The following ASB3 variants were observed in gnomAD, a reference collection of about 807,000 sequenced individuals.
ASB3 encodes the protein ankyrin repeat and SOCS box containing 3, also known as ankyrin repeat and SOCS box protein 3.
In ASB3, 41 loss-of-function variants were observed where a neutral mutation model predicts 54.5. The ratio of observed to expected loss-of-function variants is 0.75; its 90% confidence interval spans 0.59 to 0.98. ASB3 has a LOEUF of 0.98. Ranked by LOEUF, ASB3 falls within the 50% of genes least tolerant of loss-of-function variation. The pLI, the probability that ASB3 is intolerant of heterozygous loss-of-function variation, is 0.00. For missense variants in ASB3, 733 were observed against 620.0 expected (o/e 1.18, Z -1.94); for synonymous variants, 266 against 221.2 (o/e 1.20, Z -1.80).
intron 2 of ASB3, among the ~76,000 whole-genome samples, chr2:53,765,134 T>C (rs1673363894): frequency 6.6e-6 from 1 of 152,174 alleles, no homozygotes; most frequent in Non-Finnish European, 1.5e-5. Flanking sequence ...CCATATCACC[T>C]AGCTCAGTCA....
intron 3 of ASB3, among the ~76,000 whole-genome samples, chr2:53,746,614 G>T (rs1672242502): frequency 1.3e-5 from 2 of 151,840 alleles, no homozygotes; most frequent in Non-Finnish European, 2.9e-5. Flanking sequence ...AAGTAGCTCA[G>T]ATTACAGGCA....
chr2:53,695,061 C>T (rs1163724295), intron 8 of ASB3, among the ~76,000 whole-genome samples: 1 of 152,038 alleles, frequency 6.6e-6, no homozygotes, highest in Non-Finnish European at 1.5e-5. Flanking sequence ...ACTAGGGCTT[C>T]TAGTAATTAC....
At chr2:53,685,513 A>G (rs1668587042) in intron 9 of ASB3, among the ~76,000 whole-genome samples, 1 of 152,230 alleles carries the variant, frequency 6.6e-6, no homozygotes, top group African/African-American at 2.4e-5. Context: ...TTATGTTTCA[A>G]TTTTATTTCC....
intron 6 of ASB3, among the ~76,000 whole-genome samples, chr2:53,715,005 C>T (rs149573333): frequency 4.6e-5 from 7 of 152,130 alleles, no homozygotes; most frequent in African/African-American, 1.4e-4. Context: ...AAAGTACCAA[C>T]TAGTTTTTCT....
At chr2:53,686,962 C>A (rs569178847) in intron 9 of ASB3, among the ~76,000 whole-genome samples, 1 of 152,164 alleles carries the variant, frequency 6.6e-6, no homozygotes, top group African/African-American at 2.4e-5. Flanking sequence ...TCAGGTGATC[C>A]GCCTGCCTTG....
intron 8 of ASB3, among the ~76,000 whole-genome samples, chr2:53,699,378 G>A (rs1398814454): frequency 6.6e-6 from 1 of 152,186 alleles, no homozygotes; most frequent in African/African-American, 2.4e-5. Context: ...TTTGGTTACA[G>A]AAATAAATAA....
chr2:53,687,258 A>C lies in ASB3; in HGVS notation c.1369+6626T>G, dbSNP rs192114036. On this transcript the variant is annotated intron_variant, in intron 9 of 9. Coordinates refer to ENST00000263634, the MANE Select transcript of ASB3 (RefSeq NM_016115.5). ...TTTAACTATAAATTTCTCGCTAAAA[A>C]AAAAACAAAAACAAAAACAAAAATC... Among the ~76,000 whole-genome samples the C allele has an allele frequency of 1.9e-3, 289 of 152,288 alleles. 1 individual carries two copies. The highest frequency in any genetic ancestry group is 6.2e-3 in the African/African-American group (257 of 41,552).
intron 9 of ASB3, among the ~76,000 whole-genome samples, chr2:53,679,592 C>T (rs967846051): frequency 3.3e-5 from 5 of 152,128 alleles, no homozygotes; most frequent in African/African-American, 7.2e-5. Flanking sequence ...TCTTTGATGT[C>T]GTTTTATAAA....
intron 7 of ASB3, among the ~76,000 whole-genome samples, chr2:53,706,761 A>T (rs1669795683): frequency 6.6e-6 from 1 of 152,086 alleles, no homozygotes; most frequent in Admixed American, 6.6e-5. Flanking sequence ...CAGTTTCTTA[A>T]TAGGAAGTCT....
At chr2:53,684,856 A>G (rs1416157391) in intron 9 of ASB3, among the ~76,000 whole-genome samples, 1 of 152,232 alleles carries the variant, frequency 6.6e-6, no homozygotes, top group Non-Finnish European at 1.5e-5. Context: ...TGGTTAGAAG[A>G]GTGTCAGGAA....
chr2:53,692,021 T>G lies in ASB3; in HGVS notation c.1369+1863A>C, dbSNP rs546142853. On this transcript the variant is annotated intron_variant, in intron 9 of 9. Transcript: ENST00000263634. ...ACTGACATTTGTAGCCAGATAATTC[T>G]TTAGTGTAGGAGGCTGTCTTGTGCA... 3.3e-5 allele frequency among the ~76,000 whole-genome samples: 5 copies of G among 152,308 alleles called. No homozygotes were observed. In the East Asian group the frequency reaches 9.7e-4, roughly 29 times the overall value.
intron 2 of ASB3, among the ~76,000 whole-genome samples, chr2:53,763,001 C>T (rs1216507686): frequency 1.3e-5 from 2 of 151,926 alleles, no homozygotes; most frequent in Non-Finnish European, 2.9e-5. Flanking sequence ...GGCCTACATA[C>T]CTTCTTATTT....
chr2:53,703,192 T>C (rs1354254347), intron 7 of ASB3, among the ~76,000 whole-genome samples: 1 of 152,226 alleles, frequency 6.6e-6, no homozygotes, highest in Non-Finnish European at 1.5e-5. Context: ...TTTGGAGGAA[T>C]CTTTTTCTTA....
chr2:53,698,717 G>A (rs982735038), intron 8 of ASB3, among the ~76,000 whole-genome samples: 2 of 152,082 alleles, frequency 1.3e-5, no homozygotes, highest in African/African-American at 2.4e-5. Flanking sequence ...TGTCATAATG[G>A]CCTTTGCTAT....
intron 1 of ASB3, chr2:53,768,081 C>T: frequency 1.3e-6 from 2 of 1,584,332 alleles, no homozygotes; most frequent in Non-Finnish European, 8.6e-7. Context: ...CCCAACTCCA[C>T]ACACAGCACC....
intron 3 of ASB3, among the ~76,000 whole-genome samples, chr2:53,732,733 T>A (rs1049105612): frequency 6.6e-6 from 1 of 152,204 alleles, no homozygotes; most frequent in African/African-American, 2.4e-5. Flanking sequence ...AACTTACACA[T>A]GAGCAGAAAA....
intron 3 of ASB3, among the ~76,000 whole-genome samples, chr2:53,741,687 A>G (rs935509765): frequency 2.8e-4 from 42 of 152,288 alleles, no homozygotes; most frequent in African/African-American, 9.1e-4. Context: ...TGAAATCGAG[A>G]ATTTCTGTTT....
chr2:53,779,195 G>A (rs1046451430), intron 1 of ASB3, among the ~76,000 whole-genome samples: 1 of 152,178 alleles, frequency 6.6e-6, no homozygotes, highest in Non-Finnish European at 1.5e-5. Flanking sequence ...TTTGAGAAAT[G>A]TCTATACAGG....
rs546202866 is a variant in ASB3 at position 53,767,726 on chromosome 2, A to G, written c.-13-2141T>C. 143 of 810,046 alleles carry G rather than the reference A, an allele frequency of 1.8e-4. No individual in the cohort carries two copies. In the East Asian group the frequency reaches 3.7e-3, roughly 21 times the overall value. The allele number at this position is 810,046 out of a possible 1,614,324, so 50.2% of individuals were successfully genotyped here. ...ATAAAGCTGACTGAGATCCGCTCGG[A>G]AAATCTTTCTGGATCTAAACTCCCA... On this transcript the variant is annotated intron_variant, in intron 1 of 9. Coordinates refer to ENST00000263634, the MANE Select transcript of ASB3 (RefSeq NM_016115.5).
Sources: allele counts gnomAD v4.1 joint callset (sites outside exome capture counted in the v4.1 genomes callset), GRCh38; gene constraint gnomAD v4.1.1; transcripts MANE v1.5; gene names NCBI Gene and HGNC (gene_info 2026-07-23, HGNC 2026-07-21).